MRPS27: variants seen among roughly 807,000 people sequenced by gnomAD.
MRPS27 encodes the protein mitochondrial ribosomal protein S27.
A neutral mutation model predicts 48.9 loss-of-function variants in MRPS27; 43 were observed. That is an observed-to-expected ratio of 0.88 (90% confidence interval 0.69 to 1.13). The LOEUF (loss-of-function observed/expected upper bound fraction) is 1.13, where lower values mean the gene tolerates loss of function less well. MRPS27 is among the 50% of genes most tolerant of loss of function. The pLI, the probability that MRPS27 is intolerant of heterozygous loss-of-function variation, is 0.00. For synonymous variants in MRPS27, 188 were observed against 171.9 expected (o/e 1.09, Z -0.73); for missense variants, 467 against 476.3 (o/e 0.98, Z 0.18).
intron 4 of MRPS27, among the ~76,000 whole-genome samples, chr5:72,253,309 A>G (rs1024763568): frequency 7.2e-5 from 11 of 152,240 alleles, no homozygotes; most frequent in African/African-American, 2.7e-4. Context: ...TGTAGGAAAT[A>G]GAGATAAGCA....
chr5:72,238,726 A>G (rs12697910), intron 4 of MRPS27, among the ~76,000 whole-genome samples: 146,888 of 152,298 alleles, frequency 0.96, 70,862 homozygotes, highest in East Asian at 1. Context: ...ATTGTAGCTC[A>G]TCAGTTTATC....
rs769716487 is a variant in MRPS27, at chr5:72,223,739, A to C, written c.949T>G (p.Leu317Val). Reference protein sequence around the residue: ...NQGSEKLVEQLDIEETEQSKL... With the variant: ...NQGSEKLVEQVDIEETEQSKL... ...GACTGCTCTGTTTCCTCGATGTCTA[A>C]CTGCTCCACCAGTTTTTCTGACCCC... The change falls in exon 10 of 11, where the codon TTA (leucine) becomes GTA (valine). Residue 317 changes from leucine to valine, a missense_variant. Leu to Val is a conservative substitution (Grantham distance 32). Coordinates refer to ENST00000261413, the MANE Select transcript of MRPS27 (RefSeq NM_015084.3). 6.2e-7 allele frequency: 1 copy of C among 1,613,996 alleles called. No homozygotes were observed. Among genetic ancestry groups the C allele is most frequent in the Admixed American group, 1.7e-5 (1 of 60,018 alleles).
At chr5:72,237,965 T>C in intron 5 of MRPS27, 49 bp downstream of exon 5, 3 of 1,326,888 alleles carry the variant, frequency 2.3e-6, no homozygotes, top group Non-Finnish European at 2.2e-6. Flanking sequence ...ACAAACACCA[T>C]ATCACCTAAA....
chr5:72,261,009 G>A (rs570415383), intron 4 of MRPS27, among the ~76,000 whole-genome samples: 32 of 152,084 alleles, frequency 2.1e-4, no homozygotes, highest in Middle Eastern at 6.8e-3. Flanking sequence ...GATTACAGGC[G>A]TGTGTCACCA....
intron 4 of MRPS27, among the ~76,000 whole-genome samples, chr5:72,287,328 T>C (rs1434202022): frequency 6.6e-6 from 1 of 151,656 alleles, no homozygotes; most frequent in African/African-American, 2.4e-5. Flanking sequence ...AAAAAGTTGA[T>C]AAATTGGACT....
At chr5:72,318,367 CTATT>C (rs1447416194) in intron 1 of MRPS27, among the ~76,000 whole-genome samples, 5 of 152,366 alleles carry the variant, frequency 3.3e-5, no homozygotes, top group Admixed American at 2.0e-4. Context: ...TGCTTACTCT[CTATT>C]TATTATCTGT....
chr5:72,320,070 C>G, intron 1 of MRPS27, 79 bp downstream of exon 1: 1 of 1,459,118 alleles, frequency 6.9e-7, no homozygotes, highest in South Asian at 1.1e-5. Flanking sequence ...AGAAACGTTT[C>G]CTCTCCTCTT....
chr5:72,267,562 T>C (rs1207620661), intron 4 of MRPS27, among the ~76,000 whole-genome samples: 2 of 152,358 alleles, frequency 1.3e-5, no homozygotes, highest in African/African-American at 4.8e-5. Flanking sequence ...AATTTGCTCA[T>C]AGACTTCATT....
chr5:72,254,163 A>T (rs1019731259), intron 4 of MRPS27, among the ~76,000 whole-genome samples: 3 of 152,232 alleles, frequency 2.0e-5, no homozygotes, highest in Non-Finnish European at 4.4e-5. Context: ...AGTTTTATCT[A>T]TATTTGAAGG....
At chr5:72,221,266 G>T in intron 10 of MRPS27, 118 bp from the exon 11 acceptor site, 2 of 1,265,800 alleles carry the variant, frequency 1.6e-6, no homozygotes, top group Non-Finnish European at 2.2e-6. Context: ...TTGCTGACTC[G>T]TAGTTTAGTC....
At chr5:72,224,395 C>T (rs1019957862) in intron 9 of MRPS27, among the ~76,000 whole-genome samples, 1 of 152,054 alleles carries the variant, frequency 6.6e-6, no homozygotes, top group African/African-American at 2.4e-5. Context: ...AAGCGAGCTA[C>T]GAATTATTTG....
chr5:72,291,991 A>C (rs1749832436), intron 4 of MRPS27, among the ~76,000 whole-genome samples: 1 of 152,256 alleles, frequency 6.6e-6, no homozygotes, highest in African/African-American at 2.4e-5. Flanking sequence ...CTCCCGGCTT[A>C]AACTATACAT....
chr5:72,276,764 G>A (rs1393418715), intron 4 of MRPS27, among the ~76,000 whole-genome samples: 1 of 151,762 alleles, frequency 6.6e-6, no homozygotes, highest in Non-Finnish European at 1.5e-5. Context: ...AGGCGTGGTG[G>A]CTCATGCTTG....
intron 4 of MRPS27, among the ~76,000 whole-genome samples, chr5:72,238,329 TAAC>T (rs138093919): frequency 0.056 from 8,503 of 152,120 alleles, 761 homozygotes; most frequent in African/African-American, 0.19. Flanking sequence ...AACTAATAAA[TAAC>T]AAAAAATTTT....
chr5:72,269,834 T>G (rs1050463681), intron 4 of MRPS27, among the ~76,000 whole-genome samples: 1 of 152,134 alleles, frequency 6.6e-6, no homozygotes, highest in Non-Finnish European at 1.5e-5. Context: ...TTGGGATGGA[T>G]AATGTCTTTC....
chr5:72,295,731 C>T, intron 3 of MRPS27, 142 bp from the exon 4 acceptor site: 1 of 622,636 alleles, frequency 1.6e-6, no homozygotes, highest in South Asian at 2.0e-5. Flanking sequence ...GAACAATGTT[C>T]ACGTGGTATG....
At chr5:72,273,444 A>T (rs192050262) in intron 4 of MRPS27, among the ~76,000 whole-genome samples, 1 of 152,200 alleles carries the variant, frequency 6.6e-6, no homozygotes, top group Non-Finnish European at 1.5e-5. Flanking sequence ...ATGTGTTGTT[A>T]GTGATTTTGT....
rs574134776 is a variant in MRPS27, at chr5:72,220,635, C to T, written c.*274G>A. ...GAACTTTAATGCTCATAACTAATCC[C>T]TGTGCCCCAGGAACTCCATTATGAG... On this transcript the variant is annotated 3_prime_UTR_variant, in exon 11 of 11. Coordinates refer to ENST00000261413, the MANE Select transcript of MRPS27 (RefSeq NM_015084.3). 5.6e-4 allele frequency: 252 copies of T among 450,444 alleles called. 4 individuals carry two copies. The South Asian group carries it at 8.8e-3, about 16-fold the overall frequency. The allele number at this position is 450,444 out of a possible 1,614,324, so 27.9% of individuals were successfully genotyped here.
In MRPS27 at chr5:72,227,893, C is replaced by T. The variant is rs111370168; in HGVS notation, c.694+373G>A. ...TCAACTCTAACTCTTAATTTCTTAC[C>T]TTCTGGACTTTAGATCTAAAGAGAC... On this transcript the variant is annotated intron_variant, in intron 8 of 10. Transcript: ENST00000261413. The T allele has an allele frequency of 2.0e-4, 53 of 269,614 alleles. No homozygotes were observed. The Middle Eastern group carries it at 3.2e-3, about 16-fold the overall frequency. 16.7% of individuals were successfully genotyped at this position (269,614 alleles called of 1,614,324 possible).
Sources: allele counts gnomAD v4.1 joint callset (sites outside exome capture counted in the v4.1 genomes callset), GRCh38; gene constraint gnomAD v4.1.1; transcripts MANE v1.5; gene names NCBI Gene and HGNC (gene_info 2026-07-23, HGNC 2026-07-21).